The following ZC3H12B variants were observed in gnomAD, a reference collection of about 807,000 sequenced individuals.
ZC3H12B encodes probable ribonuclease ZC3H12B.
In ZC3H12B, 7 loss-of-function variants were observed where a neutral mutation model predicts 43.9. The observed-to-expected ratio is 0.16, with a 90% CI of 0.09 to 0.30. The LOEUF is 0.30. ZC3H12B is among the 10% of genes least tolerant of loss of function. ZC3H12B has a pLI of 1.00. For missense variants in ZC3H12B, 475 were observed against 670.2 expected, an observed-to-expected ratio of 0.71 and a Z score of 3.22; for synonymous variants, 222 against 241.7, an observed-to-expected ratio of 0.92 and a Z score of 0.76.
chrX:65,494,246 G>C, intron 1 of ZC3H12B, among the ~76,000 whole-genome samples: 1 of 109,835 alleles, frequency 9.1e-6, no homozygotes, highest in Non-Finnish European at 1.9e-5. Flanking sequence ...CATTTTTAAT[G>C]ATTATATGTA....
the ZC3H12B span, among the ~76,000 whole-genome samples, chrX:65,086,940 C>A: frequency 9.1e-6 from 1 of 110,492 alleles, no homozygotes; most frequent in Non-Finnish European, 1.9e-5. Flanking sequence ...AACATGGATA[C>A]CCACCTTACT....
At chrX:65,257,875 T>C in the ZC3H12B span, among the ~76,000 whole-genome samples, 1 of 110,630 alleles carries the variant, frequency 9.0e-6, no homozygotes, top group Non-Finnish European at 1.9e-5. Context: ...AGTTTCAAAA[T>C]TGAATCAGTA....
rs2067873814 is a variant in ZC3H12B, at chrX:65,469,332, G to A, written n.408-19314G>A. ...GAACGAGGTCTTCATTGATGTTATA[G>A]AGTCTGCCAACCTGCTGGTCAATGC... On this transcript the variant is annotated intron_variant and non_coding_transcript_variant, in intron 3 of 5. Coordinates refer to the ZC3H12B transcript ENST00000617377. 3 of 376,253 alleles carry A rather than the reference G, an allele frequency of 8.0e-6. No homozygotes were observed. In the Admixed American group the frequency reaches 1.2e-4, roughly 15 times the overall value. 31.0% of individuals were successfully genotyped at this position (376,253 alleles called of 1,213,427 possible).
the ZC3H12B span, among the ~76,000 whole-genome samples, chrX:65,096,289 G>GT: frequency 9.0e-6 from 1 of 110,858 alleles, no homozygotes; most frequent in Admixed American, 9.7e-5. Flanking sequence ...TAGGTGATGG[G>GT]TTAATGATGC....
intron 3 of ZC3H12B, among the ~76,000 whole-genome samples, chrX:65,451,619 C>T (rs2067514100): frequency 8.9e-6 from 1 of 111,843 alleles, no homozygotes; most frequent in Non-Finnish European, 1.9e-5. Context: ...GTATTACAGG[C>T]ATCAGCCACT....
the ZC3H12B span, among the ~76,000 whole-genome samples, chrX:65,314,262 G>A: frequency 9.0e-6 from 1 of 111,229 alleles, no homozygotes; most frequent in Non-Finnish European, 1.9e-5. Flanking sequence ...AGAAATAAAA[G>A]CTGAAATTTA....
the ZC3H12B span, among the ~76,000 whole-genome samples, chrX:65,167,981 C>G: frequency 9.0e-6 from 1 of 111,721 alleles, no homozygotes; most frequent in Non-Finnish European, 1.9e-5. Flanking sequence ...TCATCTGCAA[C>G]AAGGGACAAT....
At chrX:65,171,485 G>T in the ZC3H12B span, among the ~76,000 whole-genome samples, 1 of 111,164 alleles carries the variant, frequency 9.0e-6, no homozygotes, top group South Asian at 3.9e-4. Context: ...GCTACTCGGG[G>T]GTCCGAGACC....
At chrX:65,061,127 TG>T in the ZC3H12B span, among the ~76,000 whole-genome samples, 5 of 111,957 alleles carry the variant, frequency 4.5e-5, no homozygotes, top group Non-Finnish European at 7.5e-5. Context: ...TTTTCTTTTA[TG>T]TTTTTTTATT....
At chrX:65,313,765 A>C in the ZC3H12B span, among the ~76,000 whole-genome samples, 1 of 112,164 alleles carries the variant, frequency 8.9e-6, no homozygotes, top group Non-Finnish European at 1.9e-5. Context: ...AATACAACCC[A>C]AAATTACTTT....
At chrX:65,192,168 G>A in the ZC3H12B span, among the ~76,000 whole-genome samples, 1 of 109,355 alleles carries the variant, frequency 9.1e-6, no homozygotes, top group Non-Finnish European at 1.9e-5. Flanking sequence ...CTGAGAGATA[G>A]TTTGTTATAA....
chrX:65,230,164 A>G, the ZC3H12B span, among the ~76,000 whole-genome samples: 1 of 111,837 alleles, frequency 8.9e-6, no homozygotes, highest in Admixed American at 9.5e-5. Flanking sequence ...GACTGGATTA[A>G]GAAAATGTGG....
the ZC3H12B span, among the ~76,000 whole-genome samples, chrX:65,342,703 T>C: frequency 9.1e-6 from 1 of 110,086 alleles, no homozygotes; most frequent in African/African-American, 3.3e-5. Context: ...ATCCAAAAAT[T>C]AGAAAGATCT....
chrX:65,086,775 G>C, the ZC3H12B span, among the ~76,000 whole-genome samples: 1 of 111,962 alleles, frequency 8.9e-6, no homozygotes, highest in Admixed American at 9.4e-5. Flanking sequence ...AATTTATGTT[G>C]TTTATAAGCT....
the ZC3H12B span, among the ~76,000 whole-genome samples, chrX:65,155,479 C>G: frequency 6.3e-5 from 7 of 111,237 alleles, no homozygotes; most frequent in African/African-American, 2.0e-4. Flanking sequence ...CATTCGTATT[C>G]AAAAGTTAAA....
chrX:65,140,688 C>G, the ZC3H12B span, among the ~76,000 whole-genome samples: 1 of 111,797 alleles, frequency 8.9e-6, no homozygotes, highest in Non-Finnish European at 1.9e-5. Flanking sequence ...AGCAGTAAAG[C>G]CATCAGTTCT....
At chrX:65,263,707 C>G in the ZC3H12B span, among the ~76,000 whole-genome samples, 6 of 111,340 alleles carry the variant, frequency 5.4e-5, no homozygotes, top group African/African-American at 2.0e-4. Context: ...ATGTTTCCTG[C>G]TGTTGGGAAT....
the ZC3H12B span, among the ~76,000 whole-genome samples, chrX:65,299,932 G>A: frequency 8.0e-5 from 9 of 112,199 alleles, no homozygotes; most frequent in African/African-American, 2.6e-4. Context: ...ACCTTACATA[G>A]AGCTGGGATG....
the ZC3H12B span, among the ~76,000 whole-genome samples, chrX:65,103,249 C>G: frequency 9.0e-6 from 1 of 111,574 alleles, no homozygotes; most frequent in Non-Finnish European, 1.9e-5. Flanking sequence ...TTTCTCAGGG[C>G]TGTTCCTTGC....
Sources: gnomAD v4.1 joint callset for allele counts (sites outside exome capture counted in the v4.1 genomes callset) on GRCh38, gnomAD v4.1.1 for gene constraint, MANE v1.5 for transcripts, NCBI Gene and HGNC (gene_info 2026-07-23, HGNC 2026-07-21) for gene names.